LARGE1: variants seen among roughly 807,000 people sequenced by gnomAD.
LARGE1 encodes LARGE xylosyl- and glucuronyltransferase 1.
LARGE1 carries 43 observed loss-of-function variants against 87.6 expected under a neutral mutation model. That is an observed-to-expected ratio of 0.49 (90% CI 0.38 to 0.63). The LOEUF is 0.63. LARGE1 is among the 30% of genes least tolerant of loss of function. The pLI, the probability that LARGE1 is intolerant of heterozygous loss-of-function variation, is 0.00. For synonymous variants in LARGE1, 434 were observed against 394.6 expected (o/e 1.10, Z -1.18); for missense variants, 802 against 1,000.2 (o/e 0.80, Z 2.67).
At chr22:33,093,521 G>A in the LARGE1 span, among the ~76,000 whole-genome samples, 43 of 152,320 alleles carry the variant, frequency 2.8e-4, no homozygotes, top group South Asian at 8.3e-4. Flanking sequence ...GGACCCAGGA[G>A]ACAGAAATTA....
At chr22:33,696,099 A>G (rs953467325) in intron 2 of LARGE1, among the ~76,000 whole-genome samples, 1 of 152,156 alleles carries the variant, frequency 6.6e-6, no homozygotes, top group African/African-American at 2.4e-5. Context: ...GCATACCATG[A>G]TATTAACGGA....
chr22:33,311,838 C>T (rs1454022559), intron 11 of LARGE1, among the ~76,000 whole-genome samples: 1 of 152,142 alleles, frequency 6.6e-6, no homozygotes, highest in Non-Finnish European at 1.5e-5. Flanking sequence ...TACTCCTAAA[C>T]AGGACCCTAT....
intron 2 of LARGE1, among the ~76,000 whole-genome samples, chr22:33,677,681 G>A (rs969706724): frequency 2.0e-5 from 3 of 152,026 alleles, no homozygotes; most frequent in Admixed American, 6.6e-5. Flanking sequence ...TTTGCCCAAG[G>A]GTGCCTGCCT....
rs145785409 is a variant in LARGE1, at chr22:33,593,509, G to T, written c.615+10926C>A. Among the ~76,000 whole-genome samples the T allele has an allele frequency of 3.2e-3, 481 of 152,226 alleles. 2 individuals are homozygous for T. The highest frequency in any genetic ancestry group is 0.011 in the African/African-American group (458 of 41,542). On this transcript the variant is annotated intron_variant, in intron 5 of 14. Coordinates refer to ENST00000397394, the MANE Select transcript of LARGE1 (RefSeq NM_133642.5). The stretch of plus-strand genomic sequence containing the variant: ...CTCTCACAGCACAGAAGCTGAGGCG[G>T]GATTTTTATTCTTCCAAGATAATAA...
intron 1 of LARGE1, among the ~76,000 whole-genome samples, chr22:33,791,067 A>G (rs1256597864): frequency 6.6e-6 from 1 of 152,266 alleles, no homozygotes; most frequent in Non-Finnish European, 1.5e-5. Flanking sequence ...GGTCTGTTTT[A>G]TAACTTGTAC....
Position 33,737,262 on chromosome 22 carries a change from A to G in LARGE1, c.106+24109T>C, listed in dbSNP as rs537789370. Among the ~76,000 whole-genome samples, 26 of 152,222 alleles carry G rather than the reference A, an allele frequency of 1.7e-4. 1 individual carries two copies. In the South Asian group the frequency reaches 5.4e-3, roughly 32 times the overall value. ...CTTCTTCAAAGCCTCCCTTCCCCAC[A>G]TGGGCTTTTGTCTCATTCACTCAGC... On this transcript the variant is annotated intron_variant, in intron 2 of 14. Transcript: ENST00000397394.
chr22:33,346,396 C>T (rs7284400), intron 9 of LARGE1, among the ~76,000 whole-genome samples: 1 of 151,550 alleles, frequency 6.6e-6, no homozygotes, highest in Non-Finnish European at 1.5e-5. Flanking sequence ...TCCACCTCCC[C>T]GGTTTAAGCG....
chr22:33,138,695 C>T, the LARGE1 span, among the ~76,000 whole-genome samples: 3 of 152,154 alleles, frequency 2.0e-5, no homozygotes, highest in Non-Finnish European at 2.9e-5. Flanking sequence ...CTGCCCACCT[C>T]GGCCTCCGAA....
intron 4 of LARGE1, among the ~76,000 whole-genome samples, chr22:33,605,655 A>C (rs1234172821): frequency 6.6e-6 from 1 of 152,232 alleles, no homozygotes; most frequent in African/African-American, 2.4e-5. Context: ...TACTAGCATA[A>C]ATACTATTGT....
intron 2 of LARGE1, among the ~76,000 whole-genome samples, chr22:33,712,375 G>A (rs1237542197): frequency 6.6e-6 from 1 of 152,166 alleles, no homozygotes; most frequent in South Asian, 2.1e-4. Context: ...GCAGGCACGA[G>A]AAGACGGATC....
At chr22:33,141,766 G>A in the LARGE1 span, among the ~76,000 whole-genome samples, 1 of 152,248 alleles carries the variant, frequency 6.6e-6, no homozygotes, top group East Asian at 1.9e-4. Context: ...TGTAAGATTA[G>A]TTTCTTGAAC....
At chr22:33,283,958 A>G (rs1290235446) in intron 12 of LARGE1, among the ~76,000 whole-genome samples, 1 of 152,146 alleles carries the variant, frequency 6.6e-6, no homozygotes, top group African/African-American at 2.4e-5. Flanking sequence ...AGAAAAGAAG[A>G]AAGATGGGGA....
chr22:33,438,459 G>A (rs9621695), intron 6 of LARGE1, among the ~76,000 whole-genome samples: 1 of 152,178 alleles, frequency 6.6e-6, no homozygotes, highest in African/African-American at 2.4e-5. Context: ...TGAAAATGAA[G>A]CTGTCTTCTT....
chr22:33,325,180 A>G (rs1937132275), intron 10 of LARGE1, among the ~76,000 whole-genome samples: 1 of 152,204 alleles, frequency 6.6e-6, no homozygotes, highest in Non-Finnish European at 1.5e-5. Context: ...ACAGTAAACG[A>G]TTCTGTGACT....
chr22:33,508,504 A>G (rs2070873415), intron 6 of LARGE1, among the ~76,000 whole-genome samples: 1 of 152,226 alleles, frequency 6.6e-6, no homozygotes, highest in African/African-American at 2.4e-5. Flanking sequence ...TCTCTATGTG[A>G]AAATTCTCTT....
At chr22:33,674,770 T>G (rs1432969935) in intron 2 of LARGE1, among the ~76,000 whole-genome samples, 2 of 152,170 alleles carry the variant, frequency 1.3e-5, no homozygotes, top group Non-Finnish European at 2.9e-5. Flanking sequence ...ACGCCCAATT[T>G]GTTGACTTCA....
intron 6 of LARGE1, among the ~76,000 whole-genome samples, chr22:33,528,624 G>C (rs1380335545): frequency 1.3e-5 from 2 of 152,152 alleles, no homozygotes; most frequent in African/African-American, 4.8e-5. Context: ...CTCTGATCAG[G>C]TGAAAAAGGA....
intron 12 of LARGE1, among the ~76,000 whole-genome samples, chr22:33,292,500 G>T (rs1932754459): frequency 6.6e-6 from 1 of 152,124 alleles, no homozygotes; most frequent in South Asian, 2.1e-4. Flanking sequence ...AATGGTGCAG[G>T]CTGATGGGGA....
intron 1 of LARGE1, among the ~76,000 whole-genome samples, chr22:33,768,011 A>G (rs1042019106): frequency 2.0e-5 from 3 of 152,244 alleles, no homozygotes; most frequent in Non-Finnish European, 4.4e-5. Flanking sequence ...AGGTTTTGTT[A>G]TAAAACAGGT....
Sources: allele counts gnomAD v4.1 joint callset (sites outside exome capture counted in the v4.1 genomes callset), GRCh38; gene constraint gnomAD v4.1.1; transcripts MANE v1.5; gene names NCBI Gene and HGNC (gene_info 2026-07-23, HGNC 2026-07-21).